Variants in EIF2AK1 observed in about 807,000 individuals in gnomAD.
EIF2AK1 encodes the protein eukaryotic translation initiation factor 2 alpha kinase 1.
EIF2AK1 carries 54 observed loss-of-function variants against 77.9 expected under a neutral mutation model. The ratio of observed to expected loss-of-function variants is 0.69; its 90% CI spans 0.56 to 0.87. The LOEUF is 0.87. Ranked by LOEUF, EIF2AK1 falls within the 40% of genes least tolerant of loss-of-function variation. The probability of loss-of-function intolerance (pLI) is 0.00; values close to 1 mark genes in which losing one functional copy is unlikely to be tolerated. For missense variants in EIF2AK1, 810 were observed against 768.6 expected (o/e 1.05, Z -0.64); for synonymous variants, 314 against 290.5 (o/e 1.08, Z -0.82).
intron 8 of EIF2AK1, among the ~76,000 whole-genome samples, 193 bp from the exon 9 acceptor site, chr7:6,041,412 G>T (rs970182872): frequency 6.6e-6 from 1 of 151,988 alleles, no homozygotes; most frequent in East Asian, 1.9e-4. Context: ...GGTGGCATAC[G>T]CCTGTAATCG....
At position 6,023,300 on chromosome 7, in the gene EIF2AK1, C is replaced by T. The variant is rs748822585; in HGVS notation, c.*1373G>A. 5 of 1,567,186 alleles carry T rather than the reference C, an allele frequency of 3.2e-6. No homozygotes were observed. Among genetic ancestry groups the T allele is most frequent in the Non-Finnish European group, 3.4e-6 (4 of 1,160,134 alleles). On this transcript the variant is annotated 3_prime_UTR_variant, in exon 15 of 15. Transcript: ENST00000199389. ...TGCTACCTGGCGTGTTTTTTCTTTT[C>T]AGTGCCGAAGACGCAGATGAAATTC...
intron 1 of EIF2AK1, among the ~76,000 whole-genome samples, chr7:6,056,613 A>ATATATATAT (rs1554324681): frequency 6.9e-5 from 3 of 43,728 alleles, no homozygotes; most frequent in Non-Finnish European, 9.4e-5. Flanking sequence ...AAAAAAAAAA[A>ATATATATAT]ATATATATAT....
Position 6,023,048 on chromosome 7 carries a change from C to T in EIF2AK1, c.*1625G>A, listed in dbSNP as rs1217038184. 1.4e-5 allele frequency: 6 copies of T among 419,656 alleles called. No homozygotes were observed. In the East Asian group the frequency reaches 2.1e-4, roughly 15 times the overall value. 26.0% of individuals were successfully genotyped at this position (419,656 alleles called of 1,614,324 possible). ...GGGATTGGAGCAGGTGGTCTGAGGT[C>T]CCTTCTAGCTTCAGAAGTGTCATAA... On this transcript the variant is annotated 3_prime_UTR_variant, in exon 15 of 15. Transcript: ENST00000199389.
In EIF2AK1 at chr7:6,033,109, C is replaced by CA. The variant is rs944714045; in HGVS notation, c.1333-4078dup. ...TCAGCCTCCCGAGTAGCTGGGATTA[C>CA]AGGTGTGCGTCACCATGCCCAGCTA... On this transcript the variant is annotated intron_variant, in intron 11 of 14. Coordinates refer to ENST00000199389, the MANE Select transcript of EIF2AK1 (RefSeq NM_014413.4). This position sits in a 1 kb window ranked among gnomAD's most constrained non-coding sequence, Gnocchi z 4.4. 5.3e-5 allele frequency among the ~76,000 whole-genome samples: 8 copies of CA among 152,126 alleles called. No homozygotes were observed. The highest frequency in any genetic ancestry group is 8.8e-5 in the Non-Finnish European group (6 of 68,022).
At chr7:6,056,628 A>ATATATATATATATACATATATATATG (rs749747260) in intron 1 of EIF2AK1, among the ~76,000 whole-genome samples, 1 of 75,938 alleles carries the variant, frequency 1.3e-5, no homozygotes, top group Non-Finnish European at 2.6e-5. Flanking sequence ...ATATATATAT[A>ATATATATATATATACATATATATATG]TATATATAAA....
chr7:6,024,839 CT>C (rs372712239), intron 14 of EIF2AK1, 38 bp from the exon 15 acceptor site: 169,141 of 1,070,864 alleles, frequency 0.16, 6 homozygotes, highest in South Asian at 0.18. Context: ...ATTAAAATAA[CT>C]TTTTTTTTTT....
intron 11 of EIF2AK1, among the ~76,000 whole-genome samples, chr7:6,034,656 C>CTAGG (rs1788024918): frequency 6.6e-6 from 1 of 152,338 alleles, no homozygotes; most frequent in African/African-American, 2.4e-5. Flanking sequence ...TATCCATAGC[C>CTAGG]TAGGGCCTCA....
intron 2 of EIF2AK1, among the ~76,000 whole-genome samples, chr7:6,052,561 C>A: frequency 9.0e-6 from 1 of 110,610 alleles, no homozygotes; most frequent in African/African-American, 3.5e-5. Context: ...ATAAAAGTAT[C>A]TATAAGTTTG....
At position 6,024,638 on chromosome 7, in the gene EIF2AK1, A is replaced by G; in HGVS notation, c.*35T>C. Reference sequence around the variant, plus strand: ...ACCCTAATAAAGATTAAAAATTTACATTCCAGTTAACTACCTTAAAAGTTA... The same window carrying G: ...ACCCTAATAAAGATTAAAAATTTACGTTCCAGTTAACTACCTTAAAAGTTA... On this transcript the variant is annotated 3_prime_UTR_variant, in exon 15 of 15. Coordinates refer to ENST00000199389, the MANE Select transcript of EIF2AK1 (RefSeq NM_014413.4). 1 of 1,613,190 alleles carries G rather than the reference A, an allele frequency of 6.2e-7. No homozygotes were observed. Among genetic ancestry groups the G allele is most frequent in the Non-Finnish European group, 8.5e-7 (1 of 1,179,678 alleles).
chr7:6,053,474 G>C (rs1788663723), intron 2 of EIF2AK1, among the ~76,000 whole-genome samples: 1 of 151,252 alleles, frequency 6.6e-6, no homozygotes, highest in Admixed American at 6.6e-5. Flanking sequence ...TGATTTTCCA[G>C]CCTCAGCCTC....
At chr7:6,044,496 C>G in intron 7 of EIF2AK1, 66 bp downstream of exon 7, 2 of 1,346,120 alleles carry the variant, frequency 1.5e-6, no homozygotes, top group Non-Finnish European at 2.1e-6. Context: ...CAAAGGCAGG[C>G]CAGATTTGGT....
At chr7:6,030,087 G>A (rs1787862085) in intron 11 of EIF2AK1, among the ~76,000 whole-genome samples, 2 of 152,206 alleles carry the variant, frequency 1.3e-5, no homozygotes, top group Admixed American at 1.3e-4. Context: ...ATAAATCTAA[G>A]CACCGGCAGC....
At position 6,022,653 on chromosome 7, in the gene EIF2AK1, A is replaced by G. The variant is rs1373081961; in HGVS notation, c.*2020T>C. On this transcript the variant is annotated 3_prime_UTR_variant, in exon 15 of 15. Coordinates refer to ENST00000199389, the MANE Select transcript of EIF2AK1 (RefSeq NM_014413.4). ...CAAAGATGCCCTTGTTCGTCTGCAA[A>G]ATTTAGGGTCTCTGAGTGAGACACA... 6.6e-6 allele frequency: 1 copy of G among 152,138 alleles called. No homozygotes were observed. Among genetic ancestry groups the G allele is most frequent in the Non-Finnish European group, 1.5e-5 (1 of 68,066 alleles). The allele number at this position is 152,138 out of a possible 1,614,324, so 9.4% of individuals were successfully genotyped here.
At chr7:6,044,424 T>G in intron 7 of EIF2AK1, 138 bp downstream of exon 7, 1 of 654,548 alleles carries the variant, frequency 1.5e-6, no homozygotes, top group Non-Finnish European at 2.5e-6. Context: ...GGCGACAGAG[T>G]GAGACTCCGT....
In EIF2AK1 at chr7:6,023,185, A is replaced by C. The variant is rs1055912499; in HGVS notation, c.*1488T>G. The C allele has an allele frequency of 1.6e-6, 2 of 1,236,572 alleles. No individual in the cohort carries two copies. The highest frequency in any genetic ancestry group is 2.2e-6 in the Non-Finnish European group (2 of 904,758). 76.6% of individuals were successfully genotyped at this position (1,236,572 alleles called of 1,614,324 possible). On this transcript the variant is annotated 3_prime_UTR_variant, in exon 15 of 15. Coordinates refer to ENST00000199389, the MANE Select transcript of EIF2AK1 (RefSeq NM_014413.4). The stretch of plus-strand genomic sequence containing the variant: ...CTGAAAATGTGATGTTCTTCTTGAA[A>C]ACACCCTTTCCCATGTCATCAGTCT...
At chr7:6,037,668 G>T (rs1200256407) in intron 10 of EIF2AK1, 144 bp from the exon 11 acceptor site, 2 of 633,754 alleles carry the variant, frequency 3.2e-6, no homozygotes, top group South Asian at 4.2e-5. Context: ...CTGCAGAATG[G>T]TCTAAAACCT....
At chr7:6,034,994 T>C (rs2128887349) in intron 11 of EIF2AK1, among the ~76,000 whole-genome samples, 1 of 152,160 alleles carries the variant, frequency 6.6e-6, no homozygotes, top group East Asian at 1.9e-4. Context: ...TCTGTGGCAA[T>C]AACAGATCAC....
chr7:6,047,106 C>A lies in EIF2AK1; in HGVS notation c.450-15G>T. 1 of 1,598,590 alleles carries A rather than the reference C, an allele frequency of 6.3e-7. No homozygotes were observed. The highest frequency in any genetic ancestry group is 8.6e-7 in the Non-Finnish European group (1 of 1,166,662). On this transcript the variant is annotated splice_polypyrimidine_tract_variant and intron_variant, in intron 4 of 14. Coordinates refer to ENST00000199389, the MANE Select transcript of EIF2AK1 (RefSeq NM_014413.4). Reference sequence around the variant, plus strand: ...CTTCCCTTGATCTGAAAGTTAAATACAAACAATCAATATTAAAACATGAGA... The same window carrying A: ...CTTCCCTTGATCTGAAAGTTAAATAAAAACAATCAATATTAAAACATGAGA...
chr7:6,023,161 T>C lies in EIF2AK1; in HGVS notation c.*1512A>G. On this transcript the variant is annotated 3_prime_UTR_variant, in exon 15 of 15. Transcript: ENST00000199389. The stretch of plus-strand genomic sequence containing the variant: ...AGTAGTAAGCATCTTAGAGACAGAC[T>C]GAAAATGTGATGTTCTTCTTGAAAA... The C allele has an allele frequency of 1.0e-6, 1 of 998,970 alleles. No homozygotes were observed. The highest frequency in any genetic ancestry group is 2.5e-5 in the East Asian group (1 of 39,814). The allele number at this position is 998,970 out of a possible 1,614,324, so 61.9% of individuals were successfully genotyped here. A position where few individuals can be genotyped will look rare whatever the true frequency, so the allele number is the denominator to read the frequency against.
Sources: allele counts gnomAD v4.1 joint callset (sites outside exome capture counted in the v4.1 genomes callset), GRCh38; gene constraint gnomAD v4.1.1; non-coding constraint Gnocchi (gnomAD v3.1); transcripts MANE v1.5; gene names NCBI Gene and HGNC (gene_info 2026-07-23, HGNC 2026-07-21).